The following PWP1 variants were observed in gnomAD, a reference collection of about 807,000 sequenced individuals.
PWP1 encodes PWP1 homolog, endonuclein.
Under a neutral mutation model 69.9 loss-of-function variants are expected in PWP1, and 47 were observed. The observed-to-expected ratio is 0.67, with a 90% CI of 0.53 to 0.86. The LOEUF is 0.86. Among genes scored for constraint, PWP1 ranks in the 40% least tolerant of loss-of-function variants. The pLI, the probability that PWP1 is intolerant of heterozygous loss-of-function variation, is 0.00. For missense variants in PWP1, 551 were observed against 608.8 expected (o/e 0.91, Z 1.00); for synonymous variants, 222 against 208.2 (o/e 1.07, Z -0.57).
intron 1 of PWP1, among the ~76,000 whole-genome samples, chr12:107,687,142 C>T (rs1199775260): frequency 6.6e-6 from 1 of 152,084 alleles, no homozygotes; most frequent in Non-Finnish European, 1.5e-5. Flanking sequence ...ATGTGATTGG[C>T]TTGGACATGG....
rs1248235839 is a variant in PWP1 at position 107,710,408 on chromosome 12, G to A, written c.1294G>A (p.Val432Ile). ...LVHSRDMKMGVLFCSSCCPDL... is the reference protein window; with the variant it reads ...LVHSRDMKMGILFCSSCCPDL... ...CATCTTCCTGTTCTCTCTCTAGGGA[G>A]TTCTCTTCTGTTCTTCATGTTGCCC... is the stretch of plus-strand genomic sequence containing the variant. The change falls in exon 14 of 15, where the codon GTT (valine) becomes ATT (isoleucine). Residue 432 changes from valine (V) to isoleucine (I), a missense_variant. Val to Ile is a conservative substitution (Grantham distance 29). Coordinates refer to ENST00000412830, the MANE Select transcript of PWP1 (RefSeq NM_007062.3). 1.9e-6 allele frequency: 3 copies of A among 1,613,422 alleles called. No homozygotes were observed. The Admixed American group carries it at 5.0e-5, about 27-fold the overall frequency.
intron 10 of PWP1, 36 bp downstream of exon 10, chr12:107,703,782 T>C (rs1889760667): frequency 6.5e-7 from 1 of 1,543,858 alleles, no homozygotes; most frequent in Non-Finnish European, 9.0e-7. Flanking sequence ...GCTACTCTGT[T>C]TTTATCCTCT....
At chr12:107,698,562 C>G (rs1889639977) in intron 7 of PWP1, among the ~76,000 whole-genome samples, 1 of 151,636 alleles carries the variant, frequency 6.6e-6, no homozygotes, top group South Asian at 2.1e-4. Flanking sequence ...CTTCCCTGTT[C>G]CTTGTAATGA....
chr12:107,698,151 C>T (rs1889629585), intron 7 of PWP1, among the ~76,000 whole-genome samples: 1 of 152,148 alleles, frequency 6.6e-6, no homozygotes, highest in Non-Finnish European at 1.5e-5. Context: ...CACCTGAGGT[C>T]AGGAGTTCGA....
At chr12:107,692,772 G>T in intron 3 of PWP1, 42 bp from the exon 4 acceptor site, 6 of 1,494,722 alleles carry the variant, frequency 4.0e-6, no homozygotes, top group Non-Finnish European at 5.5e-6. Flanking sequence ...TTTTTGTCAA[G>T]ATGACTATTT....
chr12:107,705,099 C>T (rs1201662023), intron 11 of PWP1, among the ~76,000 whole-genome samples: 1 of 151,758 alleles, frequency 6.6e-6, no homozygotes, highest in Non-Finnish European at 1.5e-5. Context: ...TTCTTTAAAT[C>T]CTCATGCTTA....
chr12:107,700,285 T>C (rs1205320661), intron 8 of PWP1, among the ~76,000 whole-genome samples: 1 of 152,180 alleles, frequency 6.6e-6, no homozygotes, highest in African/African-American at 2.4e-5. Flanking sequence ...ATCACCACAA[T>C]GCATCTCCAG....
chr12:107,704,269 C>A (rs1889769847), intron 10 of PWP1, among the ~76,000 whole-genome samples: 1 of 152,198 alleles, frequency 6.6e-6, no homozygotes, highest in South Asian at 2.1e-4. Flanking sequence ...ACATGATAAA[C>A]TGCTTATGGA....
chr12:107,702,804 T>C (rs1889739073), intron 8 of PWP1, 131 bp from the exon 9 acceptor site: 2 of 649,988 alleles, frequency 3.1e-6, no homozygotes, highest in East Asian at 5.7e-5. Flanking sequence ...ATGTAAGTCT[T>C]ACATTTCTTT....
Position 107,712,322 on chromosome 12 carries a change from C to CA in PWP1, c.*104dup. On this transcript the variant is annotated 3_prime_UTR_variant, in exon 15 of 15. Transcript: ENST00000412830. The stretch of plus-strand genomic sequence containing the variant: ...GCAACCATGCAGAGTGACTGAAACA[C>CA]AATTCATTTCTGACTGACATTCCTT... 9 of 788,642 alleles carry CA rather than the reference C, an allele frequency of 1.1e-5. No homozygotes were observed. The South Asian group carries it at 1.5e-4, about 13-fold the overall frequency. 48.9% of individuals were successfully genotyped at this position (788,642 alleles called of 1,614,324 possible). A position where few individuals can be genotyped will look rare whatever the true frequency, so the allele number is the denominator to read the frequency against.
chr12:107,685,931 C>T lies in PWP1; in HGVS notation c.32C>T (p.Ala11Val). 2 of 1,613,934 alleles carry T rather than the reference C, an allele frequency of 1.2e-6. No individual in the cohort carries two copies. The highest frequency in any genetic ancestry group is 1.6e-4 in the Middle Eastern group (1 of 6,062). Residue 11 changes from alanine (A) to valine (V), a missense_variant, in exon 1 of 15, where the codon GCC (alanine) becomes GTC (valine). Transcript: ENST00000412830. ...CGCAGCCGCCAGGTGACGTGCGTGG[C>T]CTGGGTCCGCTGCGGCGTGGCCAAA... is the stretch of plus-strand genomic sequence containing the variant. MNRSRQVTCV[A>V]WVRCGVAKET...
rs1401662725 is a variant in PWP1 at position 107,712,377 on chromosome 12, C to T, written c.*157C>T. ...CAACTGCGGTGGCACCACAAATATC[C>T]GGTCTTTGTGCTTGCTCTTCAGATG... On this transcript the variant is annotated 3_prime_UTR_variant, in exon 15 of 15. Transcript: ENST00000412830. 19 of 568,280 alleles carry T rather than the reference C, an allele frequency of 3.3e-5. No homozygotes were observed. The highest frequency in any genetic ancestry group is 9.4e-5 in the South Asian group (4 of 42,388). 35.2% of individuals were successfully genotyped at this position (568,280 alleles called of 1,614,324 possible). A position where few individuals can be genotyped will look rare whatever the true frequency, so the allele number is the denominator to read the frequency against.
rs143457477 is a variant in PWP1, at chr12:107,694,936, A to T, written c.503-1538A>T. Reference sequence around the variant, plus strand: ...TAAAACTGATCCGAATATTGATCTCACGTGGTTAAGAGTATATTTTAAAGT... The same window carrying T: ...TAAAACTGATCCGAATATTGATCTCTCGTGGTTAAGAGTATATTTTAAAGT... On this transcript the variant is annotated intron_variant, in intron 5 of 14. Transcript: ENST00000412830. Among the ~76,000 whole-genome samples, 39 of 152,244 alleles carry T rather than the reference A, an allele frequency of 2.6e-4. 1 individual carries two copies. The highest frequency in any genetic ancestry group is 3.4e-3 in the Middle Eastern group (1 of 294).
At chr12:107,692,565 C>T in intron 3 of PWP1, 1 of 436,242 alleles carries the variant, frequency 2.3e-6, no homozygotes, top group Non-Finnish European at 4.1e-6. Context: ...GGTCTAATTC[C>T]CTGATACAGT....
At chr12:107,702,243 C>CT (rs71442063) in intron 8 of PWP1, among the ~76,000 whole-genome samples, 45,148 of 151,020 alleles carry the variant, frequency 0.3, 8,196 homozygotes, top group Middle Eastern at 0.42. Flanking sequence ...CAGCTTGTCA[C>CT]TTTTTTTTTA....
chr12:107,708,360 C>G (rs1889870986), intron 11 of PWP1, among the ~76,000 whole-genome samples: 1 of 152,140 alleles, frequency 6.6e-6, no homozygotes. Flanking sequence ...TTGCCCTTGG[C>G]CTGTATACAG....
chr12:107,692,760 T>C lies in PWP1; in HGVS notation c.320-54T>C, dbSNP rs1486345851. The C allele has an allele frequency of 4.9e-6, 7 of 1,421,980 alleles. No homozygotes were observed. The Admixed American group carries it at 5.5e-5, about 11-fold the overall frequency. 88.1% of individuals were successfully genotyped at this position (1,421,980 alleles called of 1,614,324 possible). A position where few individuals can be genotyped will look rare whatever the true frequency, so the allele number is the denominator to read the frequency against. ...CCAAGAATGGATGTCATAGGAAATA[T>C]GTTTTTGTCAAGATGACTATTTTAT... On this transcript the variant is annotated intron_variant, in intron 3 of 14. Coordinates refer to ENST00000412830, the MANE Select transcript of PWP1 (RefSeq NM_007062.3).
chr12:107,696,568 C>T lies in PWP1; in HGVS notation c.597C>T (p.Ser199=). ...TGGAATGGCTGAATTTTGATCCTAGCCCAGATGATTCTACTGGTAATTAGA... is the reference window on the plus strand; with the variant it reads ...TGGAATGGCTGAATTTTGATCCTAGTCCAGATGATTCTACTGGTAATTAGA... ...LSVEWLNFDP[S]PDDSTGNYIA... is the part of the protein sequence containing the mutation. The change falls in exon 6 of 15, where the codon AGC becomes AGT. Residue 199 remains serine (S), a synonymous_variant. Coordinates refer to ENST00000412830, the MANE Select transcript of PWP1 (RefSeq NM_007062.3). 1 of 1,614,088 alleles carries T rather than the reference C, an allele frequency of 6.2e-7. No homozygotes were observed. Among genetic ancestry groups the T allele is most frequent in the Non-Finnish European group, 8.5e-7 (1 of 1,179,994 alleles).
Position 107,712,298 on chromosome 12 carries a change from C to A in PWP1, c.*78C>A. On this transcript the variant is annotated 3_prime_UTR_variant, in exon 15 of 15. Transcript: ENST00000412830. ...CCTAAAAATGTTCCATGCGTGGCAG[C>A]AACCATGCAGAGTGACTGAAACACA... 1 of 1,065,588 alleles carries A rather than the reference C, an allele frequency of 9.4e-7. No individual in the cohort carries two copies. Among genetic ancestry groups the A allele is most frequent in the Non-Finnish European group, 1.4e-6 (1 of 690,868 alleles). The allele number at this position is 1,065,588 out of a possible 1,614,324, so 66.0% of individuals were successfully genotyped here.
Sources: gnomAD v4.1 joint callset for allele counts (sites outside exome capture counted in the v4.1 genomes callset) on GRCh38, gnomAD v4.1.1 for gene constraint, MANE v1.5 for transcripts, NCBI Gene and HGNC (gene_info 2026-07-23, HGNC 2026-07-21) for gene names.